MPRIP: variants seen among roughly 807,000 people sequenced by gnomAD.
MPRIP encodes the protein myosin phosphatase Rho-interacting protein.
Under a neutral mutation model 234.9 loss-of-function variants are expected in MPRIP, and 59 were observed. That is an observed-to-expected ratio of 0.25 (90% confidence interval 0.20 to 0.31). The LOEUF (loss-of-function observed/expected upper bound fraction) is 0.31, where lower values mean the gene tolerates loss of function less well. Ranked by LOEUF, MPRIP falls within the 10% of genes least tolerant of loss-of-function variation. The pLI is 1.00. For synonymous variants in MPRIP, 1,144 were observed against 1,263.9 expected, an observed-to-expected ratio of 0.91 and a Z score of 2.01; for missense variants, 2,436 against 3,071.0, an observed-to-expected ratio of 0.79 and a Z score of 4.89.
rs1361619628 is a variant in MPRIP at position 17,167,719 on chromosome 17, C to G, written c.6128C>G (p.Pro2043Arg). ...DTLCLHQGPHPKALPAPAPNW... is the reference protein window; with the variant it reads ...DTLCLHQGPHRKALPAPAPNW... ...CTCTGCCTCCACCAGGGGCCACACC[C>G]CAAGGCCCTGCCAGCCCCTGCCCCC... The change falls in exon 16 of 24, where the codon CCC (proline) becomes CGC (arginine). Residue 2043 changes from proline to arginine, a missense_variant. Transcript: ENST00000651222. This position sits in a 1 kb window ranked among gnomAD's most constrained non-coding sequence, Gnocchi z 5.9. 1 of 1,304,056 alleles carries G rather than the reference C, an allele frequency of 7.7e-7. No individual in the cohort carries two copies. Among genetic ancestry groups the G allele is most frequent in the Non-Finnish European group, 1.0e-6 (1 of 988,962 alleles). 80.8% of individuals were successfully genotyped at this position (1,304,056 alleles called of 1,614,324 possible). A position where few individuals can be genotyped will look rare whatever the true frequency, so the allele number is the denominator to read the frequency against.
rs1180507736 is a variant in MPRIP, at chr17:17,192,493, C to G, written c.*7599C>G. On this transcript the variant is annotated 3_prime_UTR_variant, in exon 24 of 24. Coordinates refer to ENST00000651222, the MANE Select transcript of MPRIP (RefSeq NM_001364716.4). ...TTTTACAAAGTTAGTTTGTGATCAA[C>G]GATTCACTACAATTGAAGTGTTACT... The G allele has an allele frequency of 7.4e-6, 1 of 135,726 alleles. No individual in the cohort carries two copies. Among genetic ancestry groups the G allele is most frequent in the Non-Finnish European group, 1.5e-5 (1 of 65,696 alleles). The allele number at this position is 135,726 out of a possible 1,614,324, so 8.4% of individuals were successfully genotyped here.
chr17:17,172,133 C>A (rs1389721004), intron 17 of MPRIP, among the ~76,000 whole-genome samples: 1 of 152,232 alleles, frequency 6.6e-6, no homozygotes, highest in South Asian at 2.1e-4. Flanking sequence ...CTGTGACTTT[C>A]CAGTTCCAAC....
At chr17:17,149,447 C>T (rs1361231225) in intron 11 of MPRIP, among the ~76,000 whole-genome samples, 1 of 150,100 alleles carries the variant, frequency 6.7e-6, no homozygotes, top group Non-Finnish European at 1.5e-5. Context: ...GAGCTGAAAT[C>T]GTGTCACTGC....
Position 17,142,762 on chromosome 17 carries a change from G to A in MPRIP, c.1386G>A (p.Lys462=). The stretch of plus-strand genomic sequence containing the variant: ...GCGAGAAGAGGGCGTTCCCTAGGAA[G>A]CGGGTGAGCTCCTGGGGCTGGGCAG... ...GRSEKRAFPR[K]RDFTNEAPPA... is the part of the protein sequence containing the mutation. The change falls in exon 8 of 24, where the codon AAG becomes AAA. Residue 462 remains lysine (K), a synonymous_variant. Transcript: ENST00000651222. 1 of 1,612,358 alleles carries A rather than the reference G, an allele frequency of 6.2e-7. No individual in the cohort carries two copies. The highest frequency in any genetic ancestry group is 1.3e-5 in the African/African-American group (1 of 75,014).
intron 1 of MPRIP, among the ~76,000 whole-genome samples, chr17:17,049,340 A>T (rs986453821): frequency 6.6e-6 from 1 of 152,192 alleles, no homozygotes; most frequent in East Asian, 1.9e-4. Flanking sequence ...TTGACTTATG[A>T]TGGGACTTAT....
intron 3 of MPRIP, among the ~76,000 whole-genome samples, chr17:17,101,601 A>ACAAC (rs59793275): frequency 1.3e-5 from 2 of 150,714 alleles, no homozygotes; most frequent in East Asian, 4.0e-4. Flanking sequence ...AACAACAACA[A>ACAAC]AAAAAATATA....
chr17:17,115,257 C>T (rs1358917070), intron 3 of MPRIP, among the ~76,000 whole-genome samples: 2 of 152,248 alleles, frequency 1.3e-5, no homozygotes, highest in East Asian at 1.9e-4. Context: ...TGTCACATTC[C>T]AGTAGAGGGA....
rs370285575 is a variant in MPRIP at position 17,131,696 on chromosome 17, C to T, written c.499C>T (p.Pro167Ser). 16 of 1,613,980 alleles carry T rather than the reference C, an allele frequency of 9.9e-6. No homozygotes were observed. The African/African-American group carries it at 2.1e-4, about 22-fold the overall frequency. ...GAAACGGAAAGTGGAGCCCCCCACA[C>T]CACAGGTAGGCAGTGGGTTTGCCAG... ...KKKRKVEPPT[P>S]QEPGPAKVAV... Residue 167 changes from proline to serine, a missense_variant, in exon 5 of 24, where the codon CCA (proline) becomes TCA (serine). Physicochemically the swap from Pro to Ser is moderately conservative, Grantham distance 74. Transcript: ENST00000651222.
chr17:17,086,665 G>A (rs2089598007), intron 3 of MPRIP, among the ~76,000 whole-genome samples: 1 of 152,216 alleles, frequency 6.6e-6, no homozygotes, highest in African/African-American at 2.4e-5. Context: ...AACCCAGGTA[G>A]GATGGAAACG....
intron 3 of MPRIP, among the ~76,000 whole-genome samples, chr17:17,080,502 G>C (rs2089437214): frequency 6.6e-6 from 1 of 152,240 alleles, no homozygotes; most frequent in South Asian, 2.1e-4. Flanking sequence ...TCCTTTGTGA[G>C]TGCCTGGAAA....
intron 12 of MPRIP, 56 bp downstream of exon 12, chr17:17,150,289 G>T: frequency 7.5e-7 from 1 of 1,335,422 alleles, no homozygotes. Flanking sequence ...ATGCATGTCA[G>T]AGTGCCTAAT....
chr17:17,112,814 A>G (rs1397988731), intron 3 of MPRIP, among the ~76,000 whole-genome samples: 1 of 152,176 alleles, frequency 6.6e-6, no homozygotes, highest in African/African-American at 2.4e-5. Context: ...GGCGGCCCTC[A>G]GGCTGTGCCT....
intron 6 of MPRIP, among the ~76,000 whole-genome samples, chr17:17,137,630 C>A (rs571166025): frequency 2.0e-5 from 3 of 150,904 alleles, no homozygotes; most frequent in African/African-American, 7.5e-5. Flanking sequence ...GATCTTCCAG[C>A]CAAGCCCCCA....
chr17:17,176,458 G>A lies in MPRIP; in HGVS notation c.6903G>A (p.Gln2301=), dbSNP rs1431965423. The A allele has an allele frequency of 1.2e-6, 2 of 1,614,164 alleles. No individual in the cohort carries two copies. The change falls in exon 21 of 24, where the codon CAG becomes CAA. Residue 2301 remains glutamine, a synonymous_variant. Coordinates refer to ENST00000651222, the MANE Select transcript of MPRIP (RefSeq NM_001364716.4). ...VLLRVKESEI[Q]YLKQEISSLK... is the part of the protein sequence containing the mutation. ...TGCGGGTAAAGGAATCGGAAATACA[G>A]TACCTGAAACAGGAGATTAGCTCCC...
chr17:17,061,661 CTG>C (rs751145407), intron 1 of MPRIP, among the ~76,000 whole-genome samples: 3 of 152,172 alleles, frequency 2.0e-5, no homozygotes, highest in Non-Finnish European at 4.4e-5. Context: ...TTCTTCAGGA[CTG>C]TGTGGAACTT....
intron 23 of MPRIP, chr17:17,181,416 C>A: frequency 6.6e-6 from 1 of 152,484 alleles, no homozygotes; most frequent in Non-Finnish European, 1.5e-5. Flanking sequence ...CACAGCACCC[C>A]GCCGTCCGAA....
chr17:17,143,643 A>G lies in MPRIP; in HGVS notation c.1477A>G (p.Arg493Gly), dbSNP rs1427370760. 1 of 1,607,110 alleles carries G rather than the reference A, an allele frequency of 6.2e-7. No individual in the cohort carries two copies. Among genetic ancestry groups the G allele is most frequent in the Non-Finnish European group, 8.5e-7 (1 of 1,177,040 alleles). ...ACACCGAAGAGCCAAGTCACTGGAC[A>G]GGAGGTCCACGGAGCCCTCCGTGAC... ...SPHRRAKSLD[R>G]RSTEPSVTPD... The change falls in exon 9 of 24, where the codon AGG (arginine) becomes GGG (glycine). Residue 493 changes from arginine to glycine, a missense_variant. Physicochemically the swap from Arg to Gly is moderately radical, Grantham distance 125. Around this residue, in one of 4 missense-constraint regions of MPRIP, gnomAD observed 1,998 missense variants for 2,520.3 expected, o/e 0.79. Transcript: ENST00000651222.
chr17:17,175,608 C>T (rs1381863881), intron 20 of MPRIP, among the ~76,000 whole-genome samples, 196 bp downstream of exon 20: 1 of 152,210 alleles, frequency 6.6e-6, no homozygotes, highest in African/African-American at 2.4e-5. Context: ...GAGCCACTAG[C>T]CGAGTGGAGC....
Position 17,142,699 on chromosome 17 carries a change from G to A in MPRIP, c.1323G>A (p.Val441=), listed in dbSNP as rs1158787959. Reference sequence around the variant, plus strand: ...CAGAGCACATGGAGACCAATGCAGTGGGGCCCTCACCATCCAGCGACACAC... The same window carrying A: ...CAGAGCACATGGAGACCAATGCAGTAGGGCCCTCACCATCCAGCGACACAC... ...EKAEHMETNA[V]GPSPSSDTRQ... The change falls in exon 8 of 24, where the codon GTG becomes GTA. Residue 441 remains valine (V), a synonymous_variant. Transcript: ENST00000651222. 1 of 1,612,244 alleles carries A rather than the reference G, an allele frequency of 6.2e-7. No homozygotes were observed. The highest frequency in any genetic ancestry group is 8.5e-7 in the Non-Finnish European group (1 of 1,180,004).
Sources: gnomAD v4.1 joint callset for allele counts (sites outside exome capture counted in the v4.1 genomes callset) on GRCh38, gnomAD v4.1.1 for gene constraint, gnomAD v4.1.1 regional missense constraint, Gnocchi (gnomAD v3.1) non-coding constraint, MANE v1.5 for transcripts, NCBI Gene and HGNC (gene_info 2026-07-23, HGNC 2026-07-21) for gene names.